NCKAP5: variants seen among roughly 807,000 people sequenced by gnomAD.
NCKAP5 encodes the protein nck-associated protein 5.
NCKAP5 carries 92 observed loss-of-function variants against 167.0 expected under a neutral mutation model. The ratio of observed to expected loss-of-function variants is 0.55; its 90% CI spans 0.47 to 0.66. The LOEUF (loss-of-function observed/expected upper bound fraction) is 0.66. NCKAP5 is among the 30% of genes least tolerant of loss of function. The probability of loss-of-function intolerance (pLI) is 0.00; values close to 1 mark genes in which losing one functional copy is unlikely to be tolerated. For synonymous variants in NCKAP5, 891 were observed against 877.4 expected, an observed-to-expected ratio of 1.02 and a Z score of -0.27; for missense variants, 2,378 against 2,315.0, an observed-to-expected ratio of 1.03 and a Z score of -0.56.
intron 3 of NCKAP5, among the ~76,000 whole-genome samples, chr2:133,372,751 G>C (rs1395518566): frequency 6.6e-6 from 1 of 152,144 alleles, no homozygotes; most frequent in East Asian, 1.9e-4. Context: ...GTAAATCTTT[G>C]CTAATGGTTA....
intron 3 of NCKAP5, among the ~76,000 whole-genome samples, chr2:133,367,328 G>A (rs1574812252): frequency 6.6e-6 from 1 of 152,330 alleles, no homozygotes; most frequent in Admixed American, 6.5e-5. Flanking sequence ...GGACCCAGCA[G>A]ACGGGAGCTC....
At chr2:132,853,290 A>C (rs1470656696) in intron 11 of NCKAP5, among the ~76,000 whole-genome samples, 2 of 152,162 alleles carry the variant, frequency 1.3e-5, no homozygotes. Context: ...AGCTTCTTAC[A>C]ATTTTCAAAG....
chr2:132,948,633 A>G (rs540177876), intron 8 of NCKAP5, among the ~76,000 whole-genome samples: 2 of 152,294 alleles, frequency 1.3e-5, no homozygotes, highest in African/African-American at 4.8e-5. Context: ...GTATGAAAGA[A>G]ATAGCACCAC....
At chr2:133,328,217 G>A (rs1398783274) in intron 3 of NCKAP5, among the ~76,000 whole-genome samples, 2 of 152,184 alleles carry the variant, frequency 1.3e-5, no homozygotes, top group East Asian at 1.9e-4. Context: ...ATTTATAGGA[G>A]TGCTGCAAAT....
At chr2:132,871,363 T>C (rs1690797850) in intron 9 of NCKAP5, among the ~76,000 whole-genome samples, 1 of 152,210 alleles carries the variant, frequency 6.6e-6, no homozygotes. Flanking sequence ...TTCATGCAGG[T>C]TGAATCAGGA....
chr2:133,613,742 C>T, the NCKAP5 span, among the ~76,000 whole-genome samples: 39 of 152,326 alleles, frequency 2.6e-4, no homozygotes, highest in South Asian at 7.9e-3. Flanking sequence ...ATTCTCTTCC[C>T]TCTTCTAGGG....
Position 133,289,301 on chromosome 2 carries a change from T to A in NCKAP5, c.143+13736A>T, listed in dbSNP as rs138292025. Reference sequence around the variant, plus strand: ...ATCATAATTTATTTTTACTGTTGGTTCTTCCCTTTTTCATCTTTTTGCCTT... The same window carrying A: ...ATCATAATTTATTTTTACTGTTGGTACTTCCCTTTTTCATCTTTTTGCCTT... On this transcript the variant is annotated intron_variant, in intron 4 of 19. Transcript: ENST00000409261. 1.8e-3 allele frequency among the ~76,000 whole-genome samples: 278 copies of A among 152,324 alleles called. 1 individual carries two copies. The highest frequency in any genetic ancestry group is 7.0e-3 in the South Asian group (34 of 4,824).
At chr2:132,734,202 G>A (rs928201068) in intron 16 of NCKAP5, among the ~76,000 whole-genome samples, 1 of 152,160 alleles carries the variant, frequency 6.6e-6, no homozygotes, top group Non-Finnish European at 1.5e-5. Context: ...GTTATAGAAT[G>A]GTGTTTTTGA....
At chr2:133,663,253 G>A in the NCKAP5 span, among the ~76,000 whole-genome samples, 1 of 147,830 alleles carries the variant, frequency 6.8e-6, no homozygotes, top group Non-Finnish European at 1.5e-5. Flanking sequence ...GGCCTGGGCG[G>A]CAGAGCGAGA....
intron 12 of NCKAP5, among the ~76,000 whole-genome samples, chr2:132,794,283 G>T (rs1267728277): frequency 8.6e-5 from 10 of 116,160 alleles, no homozygotes; most frequent in African/African-American, 2.4e-4. Flanking sequence ...GAGAGAGAGA[G>T]AGAGAGAGAG....
chr2:132,862,576 G>C (rs1316601614), intron 10 of NCKAP5, among the ~76,000 whole-genome samples: 1 of 152,010 alleles, frequency 6.6e-6, no homozygotes, highest in Non-Finnish European at 1.5e-5. Context: ...CTTCAGCCTG[G>C]CCAACATGGC....
intron 11 of NCKAP5, among the ~76,000 whole-genome samples, chr2:132,831,750 T>A (rs1389528267): frequency 2.6e-5 from 4 of 152,102 alleles, no homozygotes; most frequent in Non-Finnish European, 5.9e-5. Context: ...TTTAAATATA[T>A]CATTTTTTTC....
chr2:132,873,509 C>A (rs961806172), intron 9 of NCKAP5, among the ~76,000 whole-genome samples: 1 of 152,172 alleles, frequency 6.6e-6, no homozygotes. Flanking sequence ...ACATAATATA[C>A]ATGTATAAAT....
the NCKAP5 span, among the ~76,000 whole-genome samples, chr2:133,624,925 C>T: frequency 6.6e-6 from 1 of 152,158 alleles, no homozygotes; most frequent in East Asian, 1.9e-4. Context: ...AATTAGGAAT[C>T]CCTAAATACT....
intron 15 of NCKAP5, 65 bp from the exon 16 acceptor site, chr2:132,773,959 T>G: frequency 7.4e-7 from 1 of 1,349,006 alleles, no homozygotes; most frequent in Non-Finnish European, 1.1e-6. Flanking sequence ...TTTGCAATCC[T>G]CAGAGTAATG....
chr2:133,602,533 T>A, the NCKAP5 span, among the ~76,000 whole-genome samples: 2 of 152,064 alleles, frequency 1.3e-5, no homozygotes, highest in African/African-American at 4.8e-5. Context: ...CTATCTTCAG[T>A]GGTGGTGTGG....
chr2:132,865,239 G>A (rs1055766522), intron 10 of NCKAP5, among the ~76,000 whole-genome samples: 1 of 152,082 alleles, frequency 6.6e-6, no homozygotes, highest in Non-Finnish European at 1.5e-5. Flanking sequence ...ACTGAACCAG[G>A]ATACTGCACA....
chr2:133,580,980 C>T, the NCKAP5 span, among the ~76,000 whole-genome samples: 4 of 152,064 alleles, frequency 2.6e-5, no homozygotes, highest in East Asian at 3.9e-4. Flanking sequence ...TTTCTTCCAA[C>T]CTCCTTCCTC....
intron 3 of NCKAP5, among the ~76,000 whole-genome samples, chr2:133,397,497 T>A (rs527244028): frequency 6.6e-6 from 1 of 152,376 alleles, no homozygotes; most frequent in Non-Finnish European, 1.5e-5. Flanking sequence ...TTTCCCAGAC[T>A]GTTCTTTCTC....
Sources: allele counts gnomAD v4.1 joint callset (sites outside exome capture counted in the v4.1 genomes callset), GRCh38; gene constraint gnomAD v4.1.1; transcripts MANE v1.5; gene names NCBI Gene and HGNC (gene_info 2026-07-23, HGNC 2026-07-21).